The following ADA2 variants were observed in gnomAD, a reference collection of about 807,000 sequenced individuals.
ADA2 encodes the protein adenosine deaminase CECR1.
ADA2 carries 29 observed loss-of-function variants against 44.2 expected under a neutral mutation model. That is an observed-to-expected ratio of 0.66 (90% CI 0.49 to 0.89). ADA2 has a LOEUF of 0.89. Among genes scored for constraint, ADA2 ranks in the 40% least tolerant of loss-of-function variants. The probability of loss-of-function intolerance (pLI) is 0.00; values close to 1 mark genes in which losing one functional copy is unlikely to be tolerated. For synonymous variants in ADA2, 215 were observed against 234.9 expected, an observed-to-expected ratio of 0.92 and a Z score of 0.77; for missense variants, 637 against 644.8, an observed-to-expected ratio of 0.99 and a Z score of 0.13.
chr22:17,207,751 C>T (rs1271422442), intron 2 of ADA2, among the ~76,000 whole-genome samples: 1 of 152,126 alleles, frequency 6.6e-6, no homozygotes, highest in African/African-American at 2.4e-5. Flanking sequence ...GGCCACCCAA[C>T]ACTGCATGAC....
At chr22:17,204,189 AC>A (rs2062326218) in intron 3 of ADA2, among the ~76,000 whole-genome samples, 1 of 152,154 alleles carries the variant, frequency 6.6e-6, no homozygotes, top group South Asian at 2.1e-4. Flanking sequence ...TTATGGACTA[AC>A]TTGTGTCCCC....
intron 2 of ADA2, among the ~76,000 whole-genome samples, chr22:17,208,924 G>A (rs2062386799): frequency 6.6e-6 from 1 of 151,868 alleles, no homozygotes. Flanking sequence ...CACCTCCTGG[G>A]CTCAAGCGAT....
Position 17,193,357 on chromosome 22 carries a change from GCAAAAA to G in ADA2, c.754-1553_754-1548del, listed in dbSNP as rs1360668345. 4.0e-4 allele frequency: 19 copies of G among 47,730 alleles called. 1 individual carries two copies. The highest frequency in any genetic ancestry group is 5.0e-4 in the Non-Finnish European group (14 of 28,034). 3.0% of individuals were successfully genotyped at this position (47,730 alleles called of 1,614,324 possible). ...GTGTTTAAATAAAACCGTAAAAACTGCAAAAAAAAAAAAAAAAAAAAAAAAAAAGGA... is the reference window on the plus strand; with the variant it reads ...GTGTTTAAATAAAACCGTAAAAACTGAAAAAAAAAAAAAAAAAAAAAAGGA... On this transcript the variant is annotated intron_variant, in intron 4 of 9. Transcript: ENST00000399837.
In ADA2 at chr22:17,181,891, CT is replaced by C. The variant is rs779011895; in HGVS notation, c.1370del (p.Glu457GlyfsTer9). ...TCATCCCCCCAATGCCCATGAAGACCTCATAGAAATCATAGGACAAGCCTTT... is the reference window on the plus strand; with the variant it reads ...TCATCCCCCCAATGCCCATGAAGACCCATAGAAATCATAGGACAAGCCTTT... ...GAKGLSYDFYEVFMGIGGMKA... is the reference protein window; with the variant it reads ...GAKGLSYDFYXVFMGIGGMKA... On this transcript the variant is annotated frameshift_variant, in exon 9 of 10. Transcript: ENST00000399837. LOFTEE classifies it high-confidence loss of function. 6.2e-7 allele frequency: 1 copy of C among 1,614,008 alleles called. No homozygotes were observed. Among genetic ancestry groups the C allele is most frequent in the Non-Finnish European group, 8.5e-7 (1 of 1,180,002 alleles).
chr22:17,212,768 GCTTT>G (rs1207636498), intron 1 of ADA2, among the ~76,000 whole-genome samples: 15 of 150,814 alleles, frequency 9.9e-5, no homozygotes, highest in African/African-American at 2.9e-4. Flanking sequence ...TCTTTGCTTT[GCTTT>G]CTTTCTTTCT....
Position 17,181,863 on chromosome 22 carries a change from C to T in ADA2, c.1399G>A (p.Ala467Thr). 6.2e-7 allele frequency: 1 copy of T among 1,614,036 alleles called. No individual in the cohort carries two copies. The highest frequency in any genetic ancestry group is 8.5e-7 in the Non-Finnish European group (1 of 1,179,996). The change falls in exon 9 of 10, where the codon GCT becomes ACT. Residue 467 changes from alanine (A) to threonine (T), a missense_variant. Physicochemically the swap from Ala to Thr is moderately conservative, Grantham distance 58. Transcript: ENST00000399837. ...AGCTGTTTGAGGGTCCTCAGGTCAG[C>T]CTTCATCCCCCCAATGCCCATGAAG... is the stretch of plus-strand genomic sequence containing the variant. ...EVFMGIGGMK[A>T]DLRTLKQLAM...
intron 3 of ADA2, 30 bp downstream of exon 3, chr22:17,207,040 TG>T: frequency 6.4e-7 from 1 of 1,563,338 alleles, no homozygotes; most frequent in Non-Finnish European, 8.8e-7. Flanking sequence ...ATGACAGGCC[TG>T]GGACATGTGC....
chr22:17,189,019 CTT>C (rs71200243), intron 6 of ADA2, among the ~76,000 whole-genome samples: 50,453 of 102,746 alleles, frequency 0.49, 11,966 homozygotes, highest in East Asian at 0.59. Flanking sequence ...AATCTAGATT[CTT>C]TTTTTTTTTT....
rs1568965942 is a variant in ADA2 at position 17,181,903 on chromosome 22, A to AATCG, written c.1358_1359insCGAT (p.Phe455Ter). The stretch of plus-strand genomic sequence containing the variant: ...TGCCCATGAAGACCTCATAGAAATC[A>AATCG]TAGGACAAGCCTTTGGCACCAAACA... On this transcript the variant is annotated frameshift_variant, in exon 9 of 10. Coordinates refer to ENST00000399837, the MANE Select transcript of ADA2 (RefSeq NM_001282225.2). LOFTEE classifies it high-confidence loss of function. 6.2e-7 allele frequency: 1 copy of AATCG among 1,613,930 alleles called. No individual in the cohort carries two copies. The highest frequency in any genetic ancestry group is 1.7e-5 in the Admixed American group (1 of 60,006).
At chr22:17,185,176 G>A (rs1387807609) in intron 7 of ADA2, among the ~76,000 whole-genome samples, 3 of 151,206 alleles carry the variant, frequency 2.0e-5, no homozygotes, top group Non-Finnish European at 4.4e-5. Context: ...ACTTTGGGAG[G>A]CCGAGGTGGG....
At chr22:17,193,797 A>G (rs1252236444) in intron 4 of ADA2, among the ~76,000 whole-genome samples, 6 of 152,062 alleles carry the variant, frequency 3.9e-5, no homozygotes, top group Admixed American at 3.9e-4. Flanking sequence ...TTATGATATA[A>G]AAGGAACAGG....
chr22:17,193,212 TTCCTC>T, intron 4 of ADA2: 1 of 1,199,486 alleles, frequency 8.3e-7, no homozygotes, highest in Non-Finnish European at 1.2e-6. Context: ...CTCACAACGT[TTCCTC>T]TAAGAACCAC....
chr22:17,196,075 A>T (rs1249001369), intron 4 of ADA2, among the ~76,000 whole-genome samples: 2 of 152,004 alleles, frequency 1.3e-5, no homozygotes, highest in Admixed American at 6.5e-5. Flanking sequence ...GGCTGGGTGC[A>T]ATAGCTCACA....
chr22:17,188,868 A>AAAAAAAAAAAAAAAAAAT, intron 6 of ADA2: 1 of 81,128 alleles, frequency 1.2e-5, no homozygotes, highest in African/African-American at 4.2e-5. Flanking sequence ...AAGAGCAAAA[A>AAAAAAAAAAAAAAAAAAT]ATATATATAT....
chr22:17,216,277 A>T (rs2062470151), intron 1 of ADA2, among the ~76,000 whole-genome samples: 1 of 152,022 alleles, frequency 6.6e-6, no homozygotes, highest in Non-Finnish European at 1.5e-5. Flanking sequence ...AGGTGGGAGG[A>T]TCACTTGAGT....
chr22:17,189,327 T>C (rs2062084979), intron 6 of ADA2, among the ~76,000 whole-genome samples: 1 of 152,116 alleles, frequency 6.6e-6, no homozygotes, highest in South Asian at 2.1e-4. Context: ...CTTTATGAGA[T>C]TGCCGAGCTG....
At chr22:17,213,132 A>C (rs1053760246) in intron 1 of ADA2, among the ~76,000 whole-genome samples, 1 of 151,964 alleles carries the variant, frequency 6.6e-6, no homozygotes, top group South Asian at 2.1e-4. Context: ...TCAAAACTAC[A>C]ATGAGATCGT....
At chr22:17,217,689 T>C (rs971436257) in intron 1 of ADA2, among the ~76,000 whole-genome samples, 13 of 152,022 alleles carry the variant, frequency 8.6e-5, no homozygotes, top group Admixed American at 7.2e-4. Context: ...GAACCTGTAG[T>C]CCCAGCTATT....
At chr22:17,185,818 A>G (rs2062029447) in intron 7 of ADA2, among the ~76,000 whole-genome samples, 1 of 152,102 alleles carries the variant, frequency 6.6e-6, no homozygotes, top group Non-Finnish European at 1.5e-5. Context: ...GAAATTGCCC[A>G]CCACTCTCTC....
Sources: allele counts gnomAD v4.1 joint callset (sites outside exome capture counted in the v4.1 genomes callset), GRCh38; gene constraint gnomAD v4.1.1; transcripts MANE v1.5; gene names NCBI Gene and HGNC (gene_info 2026-07-23, HGNC 2026-07-21).